The following FMNL2 variants were observed in gnomAD, a reference collection of about 807,000 sequenced individuals.
FMNL2 encodes formin like 2.
A neutral mutation model predicts 130.2 loss-of-function variants in FMNL2; 51 were observed. The observed-to-expected ratio is 0.39, with a 90% CI of 0.31 to 0.49. The LOEUF (loss-of-function observed/expected upper bound fraction) is 0.49, where lower values mean the gene tolerates loss of function less well. Ranked by LOEUF, FMNL2 falls within the 20% of genes least tolerant of loss-of-function variation. FMNL2 has a pLI of 0.85. For synonymous variants in FMNL2, 465 were observed against 467.1 expected (o/e 1.00, Z 0.06); for missense variants, 977 against 1,316.2 (o/e 0.74, Z 3.99).
chr2:152,465,786 C>T (rs937846995), intron 1 of FMNL2, among the ~76,000 whole-genome samples: 42 of 152,162 alleles, frequency 2.8e-4, no homozygotes, highest in African/African-American at 9.4e-4. Context: ...CACTTTGCCT[C>T]GAGGGCACCT....
At chr2:152,622,810 AG>A (rs1201463576) in intron 15 of FMNL2, among the ~76,000 whole-genome samples, 2 of 141,780 alleles carry the variant, frequency 1.4e-5, no homozygotes, top group East Asian at 3.9e-4. Flanking sequence ...CTCTGAGAAA[AG>A]GTTTTTTTTT....
At chr2:152,435,317 C>T (rs1038658153) in intron 1 of FMNL2, among the ~76,000 whole-genome samples, 2 of 151,970 alleles carry the variant, frequency 1.3e-5, no homozygotes, top group African/African-American at 4.8e-5. Context: ...CTCTGTCTTT[C>T]CAAAAAATCT....
intron 1 of FMNL2, among the ~76,000 whole-genome samples, chr2:152,511,422 G>A (rs1051029232): frequency 1.3e-5 from 2 of 152,216 alleles, no homozygotes; most frequent in African/African-American, 4.8e-5. Flanking sequence ...GCCTATGACA[G>A]CAAGTCTACC....
At chr2:152,354,835 A>G (rs1054083663) in intron 1 of FMNL2, among the ~76,000 whole-genome samples, 1 of 152,220 alleles carries the variant, frequency 6.6e-6, no homozygotes, top group Non-Finnish European at 1.5e-5. Flanking sequence ...CTGTGTTCTC[A>G]GACCCTTAAG....
intron 2 of FMNL2, among the ~76,000 whole-genome samples, chr2:152,523,274 C>T (rs1159633938): frequency 6.6e-6 from 1 of 152,116 alleles, no homozygotes; most frequent in Non-Finnish European, 1.5e-5. Context: ...AATCATGGAA[C>T]TGGTCATTGT....
intron 9 of FMNL2, among the ~76,000 whole-genome samples, chr2:152,599,717 T>C (rs769104249): frequency 9.2e-5 from 14 of 152,186 alleles, no homozygotes; most frequent in Non-Finnish European, 1.6e-4. Flanking sequence ...GGTCCAGGAT[T>C]GATACAAATG....
At chr2:152,355,010 G>A (rs1177617141) in intron 1 of FMNL2, among the ~76,000 whole-genome samples, 5 of 152,192 alleles carry the variant, frequency 3.3e-5, no homozygotes, top group Non-Finnish European at 7.3e-5. Context: ...AGAATAGCAT[G>A]AAAGGAAGTA....
At chr2:152,518,099 G>C (rs1159323800) in intron 1 of FMNL2, among the ~76,000 whole-genome samples, 2 of 152,188 alleles carry the variant, frequency 1.3e-5, no homozygotes, top group African/African-American at 4.8e-5. Context: ...CAAACATTTA[G>C]CTTGGACTCC....
intron 1 of FMNL2, among the ~76,000 whole-genome samples, chr2:152,512,278 A>C (rs1190610522): frequency 6.6e-6 from 1 of 152,184 alleles, no homozygotes; most frequent in Non-Finnish European, 1.5e-5. Flanking sequence ...ATGAAGTTTG[A>C]AAAAAATTGC....
chr2:152,428,056 C>T (rs922386468), intron 1 of FMNL2, among the ~76,000 whole-genome samples: 3 of 152,204 alleles, frequency 2.0e-5, no homozygotes, highest in African/African-American at 7.2e-5. Flanking sequence ...TGCCAAATTG[C>T]CACATTCCCC....
At chr2:152,537,093 C>T (rs1694031700) in intron 2 of FMNL2, among the ~76,000 whole-genome samples, 1 of 152,126 alleles carries the variant, frequency 6.6e-6, no homozygotes, top group South Asian at 2.1e-4. Context: ...AGAGGACGAA[C>T]CAAAGAAACA....
At chr2:152,376,626 A>G (rs1210399471) in intron 1 of FMNL2, among the ~76,000 whole-genome samples, 13 of 151,850 alleles carry the variant, frequency 8.6e-5, no homozygotes, top group African/African-American at 2.9e-4. Flanking sequence ...GGAAAGGGTG[A>G]TGTTACTACT....
chr2:152,643,846 C>G, intron 25 of FMNL2: 3 of 985,350 alleles, frequency 3.0e-6, no homozygotes, highest in Non-Finnish European at 3.6e-6. Flanking sequence ...GTATTGGTAC[C>G]AAGTAGATTG....
chr2:152,341,242 C>T (rs922034865), intron 1 of FMNL2, among the ~76,000 whole-genome samples: 1 of 152,180 alleles, frequency 6.6e-6, no homozygotes, highest in African/African-American at 2.4e-5. Flanking sequence ...GGCAGTAACT[C>T]CCTGAGCTGT....
At chr2:152,450,165 CA>C (rs1279169873) in intron 1 of FMNL2, among the ~76,000 whole-genome samples, 1 of 152,042 alleles carries the variant, frequency 6.6e-6, no homozygotes, top group East Asian at 1.9e-4. Flanking sequence ...AAATATATTG[CA>C]GAAAATTATA....
intron 1 of FMNL2, 142 bp from the exon 2 acceptor site, chr2:152,521,801 G>A: frequency 1.5e-6 from 1 of 671,682 alleles, no homozygotes; most frequent in Non-Finnish European, 2.6e-6. Flanking sequence ...TTCTGTGGGT[G>A]TTTTGGTTTA....
At chr2:152,481,594 C>T (rs918063255) in intron 1 of FMNL2, among the ~76,000 whole-genome samples, 1 of 152,174 alleles carries the variant, frequency 6.6e-6, no homozygotes, top group African/African-American at 2.4e-5. Flanking sequence ...CCAGGTGAGT[C>T]TAACTTGTAG....
intron 1 of FMNL2, among the ~76,000 whole-genome samples, chr2:152,347,902 T>C (rs1682218349): frequency 6.6e-6 from 1 of 151,986 alleles, no homozygotes; most frequent in South Asian, 2.1e-4. Context: ...TCCTCTTCTG[T>C]TTCTTTACAA....
intron 9 of FMNL2, among the ~76,000 whole-genome samples, chr2:152,595,000 G>A (rs1055475101): frequency 1.3e-5 from 2 of 152,084 alleles, no homozygotes; most frequent in Non-Finnish European, 2.9e-5. Context: ...GCGTCACAGG[G>A]GAGTGGAAAT....
Sources: gnomAD v4.1 joint callset for allele counts (sites outside exome capture counted in the v4.1 genomes callset) on GRCh38, gnomAD v4.1.1 for gene constraint, MANE v1.5 for transcripts, NCBI Gene and HGNC (gene_info 2026-07-23, HGNC 2026-07-21) for gene names.